Variants in ALPK2 observed in about 807,000 individuals in gnomAD.
The protein encoded by ALPK2 is alpha kinase 2, also known as alpha-protein kinase 2.
In ALPK2, 127 loss-of-function variants were observed where a neutral mutation model predicts 163.1. That is an observed-to-expected ratio of 0.78 (90% CI 0.67 to 0.90). ALPK2 has a LOEUF of 0.90. Among genes scored for constraint, ALPK2 ranks in the 40% least tolerant of loss-of-function variants. ALPK2 has a pLI of 0.00. For missense variants in ALPK2, 2,360 were observed against 2,589.6 expected (o/e 0.91, Z 1.92); for synonymous variants, 953 against 959.1 (o/e 0.99, Z 0.12).
At chr18:58,624,062 C>T (rs1471588015) in intron 1 of ALPK2, among the ~76,000 whole-genome samples, 8 of 152,178 alleles carry the variant, frequency 5.3e-5, no homozygotes, top group Admixed American at 3.3e-4. Flanking sequence ...CCTGGGGACT[C>T]GGCTGGCGAT....
Position 58,617,402 on chromosome 18 carries a change from G to A in ALPK2, c.-20-5585C>T, listed in dbSNP as rs2052175695. Among the ~76,000 whole-genome samples, 4 of 152,090 alleles carry A rather than the reference G, an allele frequency of 2.6e-5. No individual in the cohort carries two copies. In the South Asian group the frequency reaches 8.3e-4, roughly 32 times the overall value. ...GGGTTTCACCATGTTGGCCAGGCTG[G>A]TCTCAAACTCCTGGCCTCAAGCGAT... On this transcript the variant is annotated intron_variant, in intron 1 of 12. Coordinates refer to ENST00000361673, the MANE Select transcript of ALPK2 (RefSeq NM_052947.4).
At chr18:58,610,673 G>A (rs988702662) in intron 2 of ALPK2, among the ~76,000 whole-genome samples, 5 of 152,174 alleles carry the variant, frequency 3.3e-5, no homozygotes, top group African/African-American at 4.8e-5. Context: ...CAGGCGCGGT[G>A]GCTCACGCCT....
At chr18:58,554,273 C>G (rs898173845) in intron 4 of ALPK2, among the ~76,000 whole-genome samples, 15 of 152,146 alleles carry the variant, frequency 9.9e-5, no homozygotes, top group African/African-American at 3.6e-4. Context: ...CAGGGTAGAT[C>G]TATGTGGAAG....
intron 1 of ALPK2, among the ~76,000 whole-genome samples, chr18:58,626,278 C>A (rs1302591829): frequency 6.6e-6 from 1 of 152,156 alleles, no homozygotes; most frequent in African/African-American, 2.4e-5. Context: ...CCCATCCCTG[C>A]CTGGCCTTTC....
At chr18:58,507,746 C>T (rs1008735708) in intron 10 of ALPK2, among the ~76,000 whole-genome samples, 1 of 152,200 alleles carries the variant, frequency 6.6e-6, no homozygotes. Flanking sequence ...TTCCCTTTAA[C>T]CTTCAAGCTG....
intron 4 of ALPK2, among the ~76,000 whole-genome samples, chr18:58,565,731 G>A (rs1413327133): frequency 6.9e-6 from 1 of 145,786 alleles, no homozygotes; most frequent in Non-Finnish European, 1.5e-5. Flanking sequence ...TCTCTTTTTT[G>A]TTCCTTCCTT....
At chr18:58,512,703 G>A (rs910209974) in intron 10 of ALPK2, among the ~76,000 whole-genome samples, 3 of 114,372 alleles carry the variant, frequency 2.6e-5, no homozygotes, top group Non-Finnish European at 6.5e-5. Context: ...CGTGTGGTGT[G>A]TATGTGTATG....
At chr18:58,546,307 G>A (rs2051717229) in intron 4 of ALPK2, among the ~76,000 whole-genome samples, 1 of 152,170 alleles carries the variant, frequency 6.6e-6, no homozygotes, top group Admixed American at 6.5e-5. Context: ...GAGTCATAGA[G>A]TTTGTAAAAT....
intron 4 of ALPK2, among the ~76,000 whole-genome samples, chr18:58,538,924 C>T (rs569215366): frequency 3.3e-5 from 5 of 150,912 alleles, no homozygotes; most frequent in Non-Finnish European, 7.4e-5. Context: ...TCTGTCCATA[C>T]TATCTCTGAA....
At chr18:58,492,288 G>GCA (rs367991386) in intron 12 of ALPK2, among the ~76,000 whole-genome samples, 31 of 151,386 alleles carry the variant, frequency 2.0e-4, no homozygotes, top group African/African-American at 1.5e-4. Flanking sequence ...ATATATACGC[G>GCA]CACACACACA....
intron 10 of ALPK2, among the ~76,000 whole-genome samples, chr18:58,514,295 T>A (rs1403460426): frequency 6.6e-6 from 1 of 152,222 alleles, no homozygotes; most frequent in Non-Finnish European, 1.5e-5. Context: ...TCTTCCTTCT[T>A]CCTTCTCCCA....
rs1459836584 is a variant in ALPK2 at position 58,535,488 on chromosome 18, C to A, written c.4699G>T (p.Val1567Phe). ...GGCTCAACTATGTCATTTTCAGGGA[C>A]GTCATGAATTTGGCCTGTGGAGTTG... ...THNSTGQIHDVPENDIVEPRK... is the reference protein window; with the variant it reads ...THNSTGQIHDFPENDIVEPRK... The change falls in exon 5 of 13, where the codon GTC becomes TTC. Residue 1567 changes from valine to phenylalanine, a missense_variant. Transcript: ENST00000361673. 1 of 1,614,160 alleles carries A rather than the reference C, an allele frequency of 6.2e-7. No homozygotes were observed.
intron 1 of ALPK2, among the ~76,000 whole-genome samples, chr18:58,622,075 A>G (rs1221773868): frequency 1.3e-5 from 2 of 151,222 alleles, no homozygotes; most frequent in African/African-American, 4.9e-5. Context: ...GGCCGGGCAT[A>G]GTGGCTCACT....
rs112899278 is a variant in ALPK2, at chr18:58,581,261, A to G, written c.228-713T>C. ...ACTGGAATGGCATAGAGAACCCTCA[A>G]ATCTTTTGAAGACCTTGCTAAGAGG... On this transcript the variant is annotated intron_variant, in intron 3 of 12. Coordinates refer to ENST00000361673, the MANE Select transcript of ALPK2 (RefSeq NM_052947.4). Among the ~76,000 whole-genome samples, 1,026 of 152,354 alleles carry G rather than the reference A, an allele frequency of 6.7e-3. 20 individuals carry two copies. The highest frequency in any genetic ancestry group is 0.023 in the African/African-American group (966 of 41,576).
intron 5 of ALPK2, among the ~76,000 whole-genome samples, chr18:58,531,386 C>T (rs549111905): frequency 2.1e-4 from 32 of 151,958 alleles, no homozygotes; most frequent in Middle Eastern, 3.4e-3. Flanking sequence ...GAGATGTCAG[C>T]CAAGGGGTCT....
In ALPK2 at chr18:58,573,192, G is replaced by GTGTATATA. The variant is rs1300496447; in HGVS notation, c.1962+5614_1962+5621dup. Among the ~76,000 whole-genome samples the GTGTATATA allele has an allele frequency of 7.2e-3, 683 of 95,344 alleles. 3 individuals carry two copies. The highest frequency in any genetic ancestry group is 0.026 in the African/African-American group (668 of 26,182). 62.5% of individuals were successfully genotyped at this position (95,344 alleles called of 152,430 possible). ...GGAATGCAGCATTATATATGTATAT[G>GTGTATATA]TGTATATATATGTGTATATATGTAT... is the stretch of plus-strand genomic sequence containing the variant. On this transcript the variant is annotated intron_variant, in intron 4 of 12. Coordinates refer to ENST00000361673, the MANE Select transcript of ALPK2 (RefSeq NM_052947.4).
intron 1 of ALPK2, among the ~76,000 whole-genome samples, chr18:58,618,221 A>AT (rs1437856901): frequency 6.6e-6 from 1 of 151,994 alleles, no homozygotes; most frequent in East Asian, 1.9e-4. Context: ...AATTTTTTGT[A>AT]TTTTTAGTAG....
chr18:58,570,129 C>CAAAAA (rs11329554), intron 4 of ALPK2, among the ~76,000 whole-genome samples: 1 of 125,430 alleles, frequency 8.0e-6, no homozygotes, highest in African/African-American at 3.0e-5. Context: ...GACTCCGTCT[C>CAAAAA]AAAAAAAAAA....
At chr18:58,551,512 C>T (rs2051760103) in intron 4 of ALPK2, among the ~76,000 whole-genome samples, 1 of 152,214 alleles carries the variant, frequency 6.6e-6, no homozygotes. Context: ...CTAATTATAT[C>T]TGCAGTTTCC....
Sources: gnomAD v4.1 joint callset for allele counts (sites outside exome capture counted in the v4.1 genomes callset) on GRCh38, gnomAD v4.1.1 for gene constraint, MANE v1.5 for transcripts, NCBI Gene and HGNC (gene_info 2026-07-23, HGNC 2026-07-21) for gene names.